DIDO1: variants seen among roughly 807,000 people sequenced by gnomAD.
The protein encoded by DIDO1 is death inducer-obliterator 1, also known as death-inducer obliterator 1.
DIDO1 carries 16 observed loss-of-function variants against 99.4 expected under a neutral mutation model. That is an observed-to-expected ratio of 0.16 (90% CI 0.11 to 0.24). DIDO1 has a LOEUF of 0.24. Ranked by LOEUF, DIDO1 falls within the 10% of genes least tolerant of loss-of-function variation. The probability of loss-of-function intolerance (pLI) is 1.00; values close to 1 mark genes in which losing one functional copy is unlikely to be tolerated. For missense variants in DIDO1, 2,996 were observed against 3,014.0 expected (o/e 0.99, Z 0.14); for synonymous variants, 1,366 against 1,239.1 (o/e 1.10, Z -2.15).
intron 3 of DIDO1, among the ~76,000 whole-genome samples, chr20:62,910,480 C>T (rs1478463289): frequency 6.6e-6 from 1 of 152,146 alleles, no homozygotes; most frequent in Non-Finnish European, 1.5e-5. Context: ...ACACATTCTC[C>T]TCCATGCCGT....
chr20:62,914,968 T>A (rs1294762187), intron 1 of DIDO1, among the ~76,000 whole-genome samples: 1 of 152,112 alleles, frequency 6.6e-6, no homozygotes, highest in Non-Finnish European at 1.5e-5. Context: ...TAAGAAACAA[T>A]TCTCTTGTAT....
intron 1 of DIDO1, among the ~76,000 whole-genome samples, chr20:62,914,951 G>GT (rs1491207450): frequency 6.6e-6 from 1 of 152,134 alleles, no homozygotes; most frequent in African/African-American, 2.4e-5. Flanking sequence ...AGTTCACCAC[G>GT]TGTGTTTAAG....
chr20:62,924,098 T>C (rs1349570917), intron 1 of DIDO1, among the ~76,000 whole-genome samples: 3 of 152,386 alleles, frequency 2.0e-5, no homozygotes, highest in Non-Finnish European at 2.9e-5. Flanking sequence ...TCCCAATTAG[T>C]ACATTTCCAT....
chr20:62,880,200 G>T lies in DIDO1; in HGVS notation c.5756C>A (p.Pro1919His), dbSNP rs1252121554. 6 of 1,612,426 alleles carry T rather than the reference G, an allele frequency of 3.7e-6. No homozygotes were observed. The South Asian group carries it at 4.4e-5, about 12-fold the overall frequency. ...TCTTGGGCCCACGAAATGACCAGGG[G>T]GTGGTCCTCTCTGACCTCCAAACTG... ...PSQFGGQRGP[P>H]PGHFVGPRGP... Residue 1919 changes from proline to histidine, a missense_variant, in exon 16 of 16, where the codon CCC becomes CAC. Transcript: ENST00000395343.
rs1281359081 is a variant in DIDO1 at position 62,922,107 on chromosome 20, T to TAA, written c.-200+4331_-200+4332insTT. 2.6e-4 allele frequency among the ~76,000 whole-genome samples: 17 copies of TAA among 66,218 alleles called. No individual in the cohort carries two copies. In the East Asian group the frequency reaches 0.012, roughly 45 times the overall value. The allele number at this position is 66,218 out of a possible 152,430, so 43.4% of individuals were successfully genotyped here. On this transcript the variant is annotated intron_variant, in intron 1 of 15. Coordinates refer to ENST00000395343, the MANE Select transcript of DIDO1 (RefSeq NM_001193369.2). The stretch of plus-strand genomic sequence containing the variant: ...ACACACTATATATACACACTATATA[T>TAA]ATACACACACACACACACATATATA...
chr20:62,914,572 A>C (rs1031236841), intron 1 of DIDO1, among the ~76,000 whole-genome samples, 166 bp from the exon 2 acceptor site: 7 of 152,358 alleles, frequency 4.6e-5, no homozygotes, highest in Admixed American at 3.9e-4. Flanking sequence ...AGTGTCCTTA[A>C]GGACCTCTAC....
intron 6 of DIDO1, chr20:62,905,667 G>A (rs1356717493): frequency 3.8e-6 from 6 of 1,592,738 alleles, no homozygotes; most frequent in Non-Finnish European, 5.1e-6. Flanking sequence ...GAGGTTTACA[G>A]CTTTGGAAAA....
intron 5 of DIDO1, among the ~76,000 whole-genome samples, chr20:62,906,703 ATTCCAAATAACACGGAGTTCT>A (rs1208488850): frequency 6.6e-6 from 1 of 151,728 alleles, no homozygotes; most frequent in Non-Finnish European, 1.5e-5. Flanking sequence ...ATCTCTAAAC[ATTCCAAATAACACGGAGTTCT>A]TTCCAAATAA....
intron 1 of DIDO1, among the ~76,000 whole-genome samples, chr20:62,924,638 T>A (rs7270902): frequency 0.072 from 10,934 of 152,162 alleles, 498 homozygotes; most frequent in Middle Eastern, 0.13. Flanking sequence ...CCTCCTTACA[T>A]GAAGAAACCC....
In DIDO1 at chr20:62,896,092, G is replaced by C. The variant is rs2064514273; in HGVS notation, c.2214+141C>G. On this transcript the variant is annotated intron_variant, in intron 8 of 15. Transcript: ENST00000395343. This position sits in a 1 kb window ranked among gnomAD's most constrained non-coding sequence, Gnocchi z 4.4. ...CTCAACGCCAGTGCAACAATACGTG[G>C]GCGGCAGAAGGATCACAGAGGAGAA... is the stretch of plus-strand genomic sequence containing the variant. The C allele has an allele frequency of 2.2e-6, 2 of 927,580 alleles. No individual in the cohort carries two copies. The highest frequency in any genetic ancestry group is 3.2e-6 in the Non-Finnish European group (2 of 619,272). 57.5% of individuals were successfully genotyped at this position (927,580 alleles called of 1,614,324 possible). A position where few individuals can be genotyped will look rare whatever the true frequency, so the allele number is the denominator to read the frequency against.
rs1202556626 is a variant in DIDO1, at chr20:62,892,686, A to C, written c.3255+123T>G. ...CTGCATCCAGACAGACGGTTGCAAG[A>C]GTGTCAGGCATTTCTGTTTCTCTCC... On this transcript the variant is annotated intron_variant, in intron 13 of 15. Coordinates refer to ENST00000395343, the MANE Select transcript of DIDO1 (RefSeq NM_001193369.2). 3.8e-6 allele frequency: 5 copies of C among 1,302,182 alleles called. No individual in the cohort carries two copies. The African/African-American group carries it at 4.5e-5, about 12-fold the overall frequency. The allele number at this position is 1,302,182 out of a possible 1,614,324, so 80.7% of individuals were successfully genotyped here. A position where few individuals can be genotyped will look rare whatever the true frequency, so the allele number is the denominator to read the frequency against.
intron 4 of DIDO1, 30 bp from the exon 5 acceptor site, chr20:62,907,389 A>AT: frequency 6.2e-7 from 1 of 1,602,752 alleles, no homozygotes; most frequent in South Asian, 1.1e-5. Flanking sequence ...ACTTCAAACA[A>AT]TGTACTTGCC....
chr20:62,926,205 C>T (rs1353621852), intron 1 of DIDO1, among the ~76,000 whole-genome samples: 1 of 151,854 alleles, frequency 6.6e-6, no homozygotes, highest in Non-Finnish European at 1.5e-5. Flanking sequence ...CCAGGGCCGG[C>T]GTCTGAGGCC....
In DIDO1 at chr20:62,894,873, C is replaced by T. The variant is rs77893128; in HGVS notation, c.2373G>A (p.Lys791=). The T allele has an allele frequency of 1.9e-6, 3 of 1,614,164 alleles. No individual in the cohort carries two copies. The highest frequency in any genetic ancestry group is 2.5e-6 in the Non-Finnish European group (3 of 1,180,036). The part of the protein sequence containing the change: ...SRTKLHNESK[K]TAPRQEAIPD... ...GGATGGCCTCCTGCCTGGGGGCCGT[C>T]TTCTTGCTTTCATTGTGCAGTTTAG... The change falls in exon 10 of 16, where the codon AAG becomes AAA. Residue 791 remains lysine (K), a synonymous_variant. Coordinates refer to ENST00000395343, the MANE Select transcript of DIDO1 (RefSeq NM_001193369.2). The surrounding 1 kb of genome is among the most constrained non-coding windows in gnomAD (Gnocchi z 4.4).
At chr20:62,886,245 T>TG (rs1425373383) in intron 15 of DIDO1, among the ~76,000 whole-genome samples, 1 of 152,206 alleles carries the variant, frequency 6.6e-6, no homozygotes, top group African/African-American at 2.4e-5. Context: ...GCACTTCCAC[T>TG]GAAGGGTACT....
chr20:62,903,969 G>A (rs929686986), intron 6 of DIDO1, among the ~76,000 whole-genome samples: 1 of 152,142 alleles, frequency 6.6e-6, no homozygotes. Flanking sequence ...ATAACCCAGG[G>A]CTGAGAGCCC....
In DIDO1 at chr20:62,891,015, G is replaced by T; in HGVS notation, c.3486C>A (p.Ile1162=). ...NNRHVKDLYL[I]PLSAQDPVPS... ...GAACAGGGTCCTGGGCGCTCAGCGG[G>T]ATCAGGTAGAGGTCCTTGACGTGCC... Residue 1162 remains isoleucine (I), a synonymous_variant, in exon 15 of 16, where the codon ATC becomes ATA. Transcript: ENST00000395343. 1 of 1,614,162 alleles carries T rather than the reference G, an allele frequency of 6.2e-7. No individual in the cohort carries two copies. The highest frequency in any genetic ancestry group is 8.5e-7 in the Non-Finnish European group (1 of 1,180,050).
chr20:62,897,060 A>G, intron 6 of DIDO1, 64 bp from the exon 7 acceptor site: 4 of 1,469,110 alleles, frequency 2.7e-6, no homozygotes, highest in Non-Finnish European at 3.7e-6. Context: ...ACCTGACTCT[A>G]AAAAGCAGAC....
At chr20:62,889,299 T>C in intron 15 of DIDO1, 1 of 985,590 alleles carries the variant, frequency 1.0e-6, no homozygotes, top group Non-Finnish European at 1.2e-6. Context: ...GTGGCCTCCC[T>C]GGGCCCCGTC....
Sources: gnomAD v4.1 joint callset for allele counts (sites outside exome capture counted in the v4.1 genomes callset) on GRCh38, gnomAD v4.1.1 for gene constraint, Gnocchi (gnomAD v3.1) non-coding constraint, MANE v1.5 for transcripts, NCBI Gene and HGNC (gene_info 2026-07-23, HGNC 2026-07-21) for gene names.